FNBP1: variants seen among roughly 807,000 people sequenced by gnomAD.
The protein encoded by FNBP1 is formin-binding protein 1.
A neutral mutation model predicts 90.6 loss-of-function variants in FNBP1; 26 were observed. The ratio of observed to expected loss-of-function variants is 0.29; its 90% CI spans 0.21 to 0.40. The LOEUF is 0.40. Among genes scored for constraint, FNBP1 ranks in the 10% least tolerant of loss-of-function variants. The pLI, the probability that FNBP1 is intolerant of heterozygous loss-of-function variation, is 1.00. For synonymous variants in FNBP1, 260 were observed against 265.2 expected, an observed-to-expected ratio of 0.98 and a Z score of 0.19; for missense variants, 635 against 768.0, an observed-to-expected ratio of 0.83 and a Z score of 2.05.
chr9:129,924,169 C>A lies in FNBP1; in HGVS notation c.988-143G>T, dbSNP rs901905996. ...TTTTAGGCCATGGTCCAAAAGAAAA[C>A]ATGTAGGAGGTGGTTAAATGAAGAA... On this transcript the variant is annotated intron_variant, in intron 9 of 16. Transcript: ENST00000446176. The A allele has an allele frequency of 3.8e-6, 3 of 792,140 alleles. No individual in the cohort carries two copies. In the African/African-American group the frequency reaches 5.5e-5, roughly 15 times the overall value. The allele number at this position is 792,140 out of a possible 1,614,324, so 49.1% of individuals were successfully genotyped here.
At chr9:130,023,515 G>C (rs1343521999) in intron 1 of FNBP1, among the ~76,000 whole-genome samples, 2 of 152,178 alleles carry the variant, frequency 1.3e-5, no homozygotes, top group African/African-American at 4.8e-5. Context: ...AAAGCCCTGA[G>C]GTGGAAGAAG....
chr9:129,973,539 C>T (rs961771018), intron 4 of FNBP1, among the ~76,000 whole-genome samples: 3 of 152,134 alleles, frequency 2.0e-5, no homozygotes, highest in African/African-American at 4.8e-5. Context: ...CTCACTCTGT[C>T]GCCCAGGCTG....
chr9:129,903,062 C>T, intron 12 of FNBP1, 61 bp from the exon 13 acceptor site: 1 of 1,492,486 alleles, frequency 6.7e-7, no homozygotes, highest in South Asian at 1.2e-5. Flanking sequence ...TAGACAGTTT[C>T]ACTCTTGTCA....
At chr9:130,006,217 T>G (rs1589219672) in intron 1 of FNBP1, among the ~76,000 whole-genome samples, 3 of 151,946 alleles carry the variant, frequency 2.0e-5, no homozygotes, top group Admixed American at 2.0e-4. Context: ...CCAAGGCGGG[T>G]GGATCACTTG....
At chr9:129,892,409 AC>A (rs1564242614) in intron 16 of FNBP1, among the ~76,000 whole-genome samples, 1,809 of 146,150 alleles carry the variant, frequency 0.012, 38 homozygotes, top group African/African-American at 0.039. Context: ...ACACACACAC[AC>A]ACACACAAAA....
rs1233550223 is a variant in FNBP1 at position 130,041,008 on chromosome 9, T to TC, written c.24+1943_24+1944insG. 1.3e-5 allele frequency among the ~76,000 whole-genome samples: 2 copies of TC among 150,666 alleles called. No individual in the cohort carries two copies. Among genetic ancestry groups the TC allele is most frequent in the African/African-American group, 4.9e-5 (2 of 41,162 alleles). ...TTCTTTTTTCTTTTTTCTTTTCTTT[T>TC]TTTTTTTTTTAAGAGGAGGCCTCTC... On this transcript the variant is annotated intron_variant, in intron 1 of 16. Coordinates refer to ENST00000446176, the MANE Select transcript of FNBP1 (RefSeq NM_015033.3). This position sits in a 1 kb window ranked among gnomAD's most constrained non-coding sequence, Gnocchi z 4.3.
At chr9:129,892,944 T>C (rs1408127969) in intron 16 of FNBP1, among the ~76,000 whole-genome samples, 2 of 152,178 alleles carry the variant, frequency 1.3e-5, no homozygotes, top group Non-Finnish European at 2.9e-5. Flanking sequence ...GAATTAAATT[T>C]GAATAACGAA....
At chr9:130,006,912 A>G (rs1180403178) in intron 1 of FNBP1, among the ~76,000 whole-genome samples, 1 of 152,110 alleles carries the variant, frequency 6.6e-6, no homozygotes, top group Non-Finnish European at 1.5e-5. Context: ...TTTAGGAGGC[A>G]GCTGCATATG....
At chr9:129,946,146 G>C (rs2045255889) in intron 6 of FNBP1, among the ~76,000 whole-genome samples, 1 of 152,038 alleles carries the variant, frequency 6.6e-6, no homozygotes, top group African/African-American at 2.4e-5. Context: ...TCCATCCTGA[G>C]CGACAGACCA....
Position 129,887,589 on chromosome 9 carries a change from C to T in FNBP1, c.*2950G>A, listed in dbSNP as rs942461673. On this transcript the variant is annotated 3_prime_UTR_variant, in exon 17 of 17. Transcript: ENST00000446176. ...TTACCAAAAGGCATCGAGACCTTTG[C>T]GCTGCGCTGGTTAGACAAGCCGCAG... The T allele has an allele frequency of 4.7e-5, 10 of 214,312 alleles. 1 individual carries two copies. In the South Asian group the frequency reaches 5.6e-4, roughly 12 times the overall value. The allele number at this position is 214,312 out of a possible 1,614,324, so 13.3% of individuals were successfully genotyped here.
At chr9:130,025,006 C>G (rs2058207549) in intron 1 of FNBP1, among the ~76,000 whole-genome samples, 2 of 151,980 alleles carry the variant, frequency 1.3e-5, no homozygotes, top group South Asian at 4.2e-4. Context: ...ATAGTGAAAC[C>G]CTGTCTCTAC....
At chr9:129,939,122 C>T (rs2043937281) in intron 6 of FNBP1, among the ~76,000 whole-genome samples, 1 of 152,092 alleles carries the variant, frequency 6.6e-6, no homozygotes, top group Non-Finnish European at 1.5e-5. Flanking sequence ...GGGGCAGTGG[C>T]TCACGCCTAT....
chr9:129,966,542 A>C lies in FNBP1; in HGVS notation c.346-7989T>G, dbSNP rs976313331. 6.6e-6 allele frequency among the ~76,000 whole-genome samples: 1 copy of C among 152,270 alleles called. No individual in the cohort carries two copies. Among genetic ancestry groups the C allele is most frequent in the East Asian group, 1.9e-4 (1 of 5,190 alleles). On this transcript the variant is annotated intron_variant, in intron 4 of 16. Coordinates refer to ENST00000446176, the MANE Select transcript of FNBP1 (RefSeq NM_015033.3). This position sits in a 1 kb window ranked among gnomAD's most constrained non-coding sequence, Gnocchi z 4.3. ...TCAGGAGTTCGAGACCAGCCTGGCC[A>C]ACATGATGAAATGCCGTCTCTACTA...
chr9:129,949,182 T>G (rs1399669410), intron 6 of FNBP1, among the ~76,000 whole-genome samples: 4 of 152,006 alleles, frequency 2.6e-5, no homozygotes, highest in Non-Finnish European at 5.9e-5. Flanking sequence ...TCCAAATCAC[T>G]CGAGCTCATT....
intron 10 of FNBP1, chr9:129,919,391 AC>A (rs1217722337): frequency 5.7e-6 from 2 of 349,470 alleles, no homozygotes; most frequent in Non-Finnish European, 1.1e-5. Context: ...AATATGAAAA[AC>A]GTACATCCAT....
chr9:130,029,743 G>A (rs1436667773), intron 1 of FNBP1, among the ~76,000 whole-genome samples: 1 of 151,992 alleles, frequency 6.6e-6, no homozygotes, highest in Non-Finnish European at 1.5e-5. Context: ...CAGCACTTTC[G>A]GAGGCCAAGG....
At chr9:130,012,739 A>G (rs1271018576) in intron 1 of FNBP1, among the ~76,000 whole-genome samples, 1 of 152,134 alleles carries the variant, frequency 6.6e-6, no homozygotes, top group South Asian at 2.1e-4. Context: ...TCCTGGGTTC[A>G]AGCGATTCTC....
intron 16 of FNBP1, among the ~76,000 whole-genome samples, chr9:129,892,287 A>C (rs1258135264): frequency 1.3e-5 from 2 of 152,056 alleles, no homozygotes; most frequent in Admixed American, 6.6e-5. Context: ...AAACCACAAA[A>C]GAAAGTCACA....
intron 2 of FNBP1, among the ~76,000 whole-genome samples, chr9:129,993,962 A>G (rs1279667372): frequency 6.6e-6 from 1 of 152,132 alleles, no homozygotes. Flanking sequence ...ATGACCCCTC[A>G]ACACATTACA....
Sources: allele counts gnomAD v4.1 joint callset (sites outside exome capture counted in the v4.1 genomes callset), GRCh38; gene constraint gnomAD v4.1.1; non-coding constraint Gnocchi (gnomAD v3.1); transcripts MANE v1.5; gene names NCBI Gene and HGNC (gene_info 2026-07-23, HGNC 2026-07-21).